ROBO2: variants seen among roughly 807,000 people sequenced by gnomAD.
ROBO2 encodes the protein roundabout guidance receptor 2.
Under a neutral mutation model 160.8 loss-of-function variants are expected in ROBO2, and 53 were observed. The observed-to-expected ratio is 0.33, with a 90% confidence interval of 0.26 to 0.41. The LOEUF (loss-of-function observed/expected upper bound fraction) is 0.41, where lower values mean the gene tolerates loss of function less well. Ranked by LOEUF, ROBO2 falls within the 10% of genes least tolerant of loss-of-function variation. The probability of loss-of-function intolerance (pLI) is 1.00; values close to 1 mark genes in which losing one functional copy is unlikely to be tolerated. For missense variants in ROBO2, 1,577 were observed against 1,722.4 expected, an observed-to-expected ratio of 0.92 and a Z score of 1.49; for synonymous variants, 664 against 611.7, an observed-to-expected ratio of 1.09 and a Z score of -1.26.
intron 2 of ROBO2, among the ~76,000 whole-genome samples, chr3:77,129,989 G>A (rs1049871255): frequency 6.6e-6 from 1 of 152,116 alleles, no homozygotes; most frequent in African/African-American, 2.4e-5. Context: ...TAGAATAAGA[G>A]AAGACAACGC....
At position 77,585,536 on chromosome 3, in the gene ROBO2, T is replaced by C. The variant is rs184970360; in HGVS notation, c.2501-3215T>C. On this transcript the variant is annotated intron_variant, in intron 16 of 25. Coordinates refer to ENST00000461745, the Ensembl canonical transcript of ROBO2. ...GATAAAAGTAACCTAGAAAATAATA[T>C]ATCTATCTTTTGTTCAAATAGTTGG... Among the ~76,000 whole-genome samples, 25 of 152,176 alleles carry C rather than the reference T, an allele frequency of 1.6e-4. No individual in the cohort carries two copies. In the East Asian group the frequency reaches 4.8e-3, roughly 29 times the overall value.
intron 21 of ROBO2, among the ~76,000 whole-genome samples, chr3:77,614,767 A>G (rs1269480289): frequency 6.6e-6 from 1 of 152,118 alleles, no homozygotes; most frequent in African/African-American, 2.4e-5. Flanking sequence ...ACAAACAAAC[A>G]AACAAAAACC....
chr3:76,269,962 G>C (rs1203044457), intron 2 of ROBO2, among the ~76,000 whole-genome samples: 1 of 151,990 alleles, frequency 6.6e-6, no homozygotes, highest in Non-Finnish European at 1.5e-5. Context: ...AATGATTAAA[G>C]ATAGTAATAA....
intron 2 of ROBO2, among the ~76,000 whole-genome samples, chr3:76,829,742 C>G (rs1346732147): frequency 6.6e-6 from 1 of 150,768 alleles, no homozygotes; most frequent in African/African-American, 2.4e-5. Flanking sequence ...AATCTTGGCT[C>G]ACTGCAACCT....
In ROBO2 at chr3:76,452,573, A is replaced by G. The variant is rs377493503; in HGVS notation, c.109+514971A>G. On this transcript the variant is annotated intron_variant, in intron 2 of 26. Coordinates refer to the ROBO2 transcript ENST00000487694. ...CCACATTTTCTTAATCCAGTCTATCATTGGTGGATATTTGGGCTGGTTCCA... is the reference window on the plus strand; with the variant it reads ...CCACATTTTCTTAATCCAGTCTATCGTTGGTGGATATTTGGGCTGGTTCCA... Among the ~76,000 whole-genome samples the G allele has an allele frequency of 1.5e-3, 221 of 151,712 alleles. 2 individuals are homozygous for G. The East Asian group carries it at 0.023, about 16-fold the overall frequency.
At chr3:77,330,972 A>G (rs1258316173) in intron 2 of ROBO2, among the ~76,000 whole-genome samples, 1 of 152,200 alleles carries the variant, frequency 6.6e-6, no homozygotes, top group Non-Finnish European at 1.5e-5. Flanking sequence ...GGTAAATCAT[A>G]TAGTATTCTG....
At chr3:77,316,439 A>C (rs2063997075) in intron 2 of ROBO2, among the ~76,000 whole-genome samples, 1 of 152,168 alleles carries the variant, frequency 6.6e-6, no homozygotes, top group Non-Finnish European at 1.5e-5. Flanking sequence ...TAATTTACTC[A>C]ATATGAATTT....
chr3:77,613,767 G>T (rs2094703681), intron 21 of ROBO2, among the ~76,000 whole-genome samples: 1 of 152,084 alleles, frequency 6.6e-6, no homozygotes, highest in South Asian at 2.1e-4. Context: ...TGAGGAAAAG[G>T]TATTATAAAC....
At chr3:77,598,989 G>A (rs908801667) in intron 19 of ROBO2, among the ~76,000 whole-genome samples, 6 of 152,002 alleles carry the variant, frequency 3.9e-5, no homozygotes, top group Admixed American at 2.6e-4. Context: ...CTACCTTAAC[G>A]TCTAAAATAT....
chr3:76,455,815 A>G (rs1247360831), intron 2 of ROBO2, among the ~76,000 whole-genome samples: 2 of 152,190 alleles, frequency 1.3e-5, no homozygotes, highest in Admixed American at 6.5e-5. Flanking sequence ...TCATCAATTC[A>G]TTAAGCAAAT....
intron 2 of ROBO2, among the ~76,000 whole-genome samples, chr3:75,938,733 A>G (rs1305100934): frequency 6.6e-6 from 1 of 152,130 alleles, no homozygotes; most frequent in Non-Finnish European, 1.5e-5. Context: ...TGAAATAGAT[A>G]TTTTTCAAAA....
chr3:76,014,782 G>T (rs1055278659), intron 2 of ROBO2, among the ~76,000 whole-genome samples: 1 of 152,178 alleles, frequency 6.6e-6, no homozygotes, highest in Non-Finnish European at 1.5e-5. Flanking sequence ...TTAAAAGTTG[G>T]CTGGGTGCAG....
chr3:77,469,401 G>T (rs1203319734), intron 2 of ROBO2, among the ~76,000 whole-genome samples: 2 of 152,068 alleles, frequency 1.3e-5, no homozygotes, highest in East Asian at 3.9e-4. Flanking sequence ...TTTTTCATGT[G>T]CAGAGTAGAA....
intron 2 of ROBO2, among the ~76,000 whole-genome samples, chr3:76,384,990 TTTG>T (rs2076814829): frequency 6.6e-6 from 1 of 152,134 alleles, no homozygotes; most frequent in Non-Finnish European, 1.5e-5. Flanking sequence ...TGTCTTTTGT[TTTG>T]TTGTTTTTGA....
intron 24 of ROBO2, among the ~76,000 whole-genome samples, chr3:77,635,299 C>A (rs1368074570): frequency 6.6e-6 from 1 of 150,912 alleles, no homozygotes; most frequent in African/African-American, 2.4e-5. Context: ...GCCATTCTGG[C>A]ATATTTCATA....
At chr3:77,219,223 G>A (rs922734161) in intron 2 of ROBO2, among the ~76,000 whole-genome samples, 2 of 151,646 alleles carry the variant, frequency 1.3e-5, no homozygotes, top group African/African-American at 4.8e-5. Context: ...GCCCGCCTCA[G>A]CCTCCCACAG....
In ROBO2 at chr3:77,180,817, T is replaced by A. The variant is rs115699261; in HGVS notation, c.388+82477T>A. Among the ~76,000 whole-genome samples, 1,306 of 152,164 alleles carry A rather than the reference T, an allele frequency of 8.6e-3. 20 individuals carry two copies. The highest frequency in any genetic ancestry group is 0.03 in the African/African-American group (1,241 of 41,534). ...TATAAATTCTATGATAAAATATTAA[T>A]GTATAGTTTTATATGTGGTATACAC... On this transcript the variant is annotated intron_variant, in intron 2 of 25. Transcript: ENST00000461745.
intron 2 of ROBO2, among the ~76,000 whole-genome samples, chr3:76,214,817 G>A (rs963460348): frequency 7.9e-5 from 12 of 152,186 alleles, no homozygotes; most frequent in Admixed American, 3.3e-4. Flanking sequence ...GAGAGAAGTC[G>A]TTCTCCCAGC....
At chr3:76,418,871 GA>G (rs891306478) in intron 2 of ROBO2, among the ~76,000 whole-genome samples, 2 of 151,884 alleles carry the variant, frequency 1.3e-5, no homozygotes, top group East Asian at 3.9e-4. Context: ...GTTTACTGGT[GA>G]AAAAAAATTA....
Sources: gnomAD v4.1 joint callset for allele counts (sites outside exome capture counted in the v4.1 genomes callset) on GRCh38, gnomAD v4.1.1 for gene constraint, MANE v1.5 for transcripts, NCBI Gene and HGNC (gene_info 2026-07-23, HGNC 2026-07-21) for gene names.